The following INTS8 variants were observed in gnomAD, a reference collection of about 807,000 sequenced individuals.
The protein encoded by INTS8 is protein kaonashi-1.
Under a neutral mutation model 138.9 loss-of-function variants are expected in INTS8, and 47 were observed. The ratio of observed to expected loss-of-function variants is 0.34; its 90% CI spans 0.27 to 0.43. The LOEUF is 0.43. Ranked by LOEUF, INTS8 falls within the 20% of genes least tolerant of loss-of-function variation. INTS8 has a pLI of 1.00. For missense variants in INTS8, 996 were observed against 1,173.0 expected, an observed-to-expected ratio of 0.85 and a Z score of 2.20; for synonymous variants, 392 against 400.9, an observed-to-expected ratio of 0.98 and a Z score of 0.27.
chr8:94,861,826 C>G (rs540972700), intron 16 of INTS8, among the ~76,000 whole-genome samples: 106 of 152,334 alleles, frequency 7.0e-4, no homozygotes, highest in African/African-American at 2.5e-3. Context: ...GCTGGGATTA[C>G]AGGCGTGAGC....
At chr8:94,847,909 T>C (rs1233439853) in intron 10 of INTS8, among the ~76,000 whole-genome samples, 1 of 152,178 alleles carries the variant, frequency 6.6e-6, no homozygotes, top group Non-Finnish European at 1.5e-5. Flanking sequence ...GTTATTAGAA[T>C]GTAAGTGTAT....
chr8:94,850,750 C>T (rs544424938), intron 12 of INTS8, among the ~76,000 whole-genome samples: 15 of 152,086 alleles, frequency 9.9e-5, no homozygotes, highest in Middle Eastern at 3.4e-3. Flanking sequence ...GACAGATTTT[C>T]GTGCATGTCA....
chr8:94,837,790 A>C (rs756587653), intron 7 of INTS8, among the ~76,000 whole-genome samples: 23 of 152,126 alleles, frequency 1.5e-4, no homozygotes, highest in Non-Finnish European at 2.9e-4. Context: ...AGCTTCAGCA[A>C]ACTTTCTTTG....
intron 6 of INTS8, among the ~76,000 whole-genome samples, chr8:94,834,361 G>T (rs1814842298): frequency 9.0e-6 from 1 of 110,712 alleles, no homozygotes; most frequent in African/African-American, 3.6e-5. Context: ...ATATGTGCAT[G>T]GGTGTGTGTG....
At chr8:94,837,897 C>T (rs761079078) in intron 7 of INTS8, among the ~76,000 whole-genome samples, 1 of 152,022 alleles carries the variant, frequency 6.6e-6, no homozygotes, top group Non-Finnish European at 1.5e-5. Flanking sequence ...GCATAGTTTA[C>T]GGCCCACAAA....
At chr8:94,825,107 T>A in intron 2 of INTS8, 40 bp downstream of exon 2, 1 of 1,354,814 alleles carries the variant, frequency 7.4e-7, no homozygotes, top group Non-Finnish European at 1.0e-6. Context: ...GAAGTGCTAT[T>A]TAGATATCTT....
chr8:94,842,862 G>A (rs1563650077), intron 10 of INTS8, among the ~76,000 whole-genome samples: 1 of 152,124 alleles, frequency 6.6e-6, no homozygotes, highest in Non-Finnish European at 1.5e-5. Flanking sequence ...CAAGCCTCTT[G>A]TCTGTCATGT....
intron 5 of INTS8, among the ~76,000 whole-genome samples, chr8:94,831,716 G>A (rs1194314833): frequency 1.3e-5 from 2 of 151,444 alleles, no homozygotes; most frequent in African/African-American, 2.4e-5. Context: ...TCCTGATCTC[G>A]TGATCTGCCC....
rs766957901 is a variant in INTS8, at chr8:94,873,377, C to T, written c.2537C>T (p.Thr846Met). 8 of 1,610,296 alleles carry T rather than the reference C, an allele frequency of 5.0e-6. No homozygotes were observed. The highest frequency in any genetic ancestry group is 2.2e-5 in the East Asian group (1 of 44,842). Residue 846 changes from threonine to methionine, a missense_variant, in exon 22 of 27, where the codon ACG becomes ATG. By Grantham distance (81) the Thr-to-Met change is moderately conservative (BLOSUM62 -1). Coordinates refer to ENST00000523731, the MANE Select transcript of INTS8 (RefSeq NM_017864.4). ...LIIQADIYFA[T>M]NQYSAALHYY... Reference sequence around the variant, plus strand: ...TATGTCTGTTTTTCTGTTTCAGCAACGAATCAGTATTCAGCAGCTCTTCAC... The same window carrying T: ...TATGTCTGTTTTTCTGTTTCAGCAATGAATCAGTATTCAGCAGCTCTTCAC...
chr8:94,847,426 G>T (rs1815371324), intron 10 of INTS8, among the ~76,000 whole-genome samples: 1 of 152,028 alleles, frequency 6.6e-6, no homozygotes, highest in Non-Finnish European at 1.5e-5. Flanking sequence ...TGAGGCATCT[G>T]TCTTTTTTAT....
chr8:94,827,707 C>T lies in INTS8; in HGVS notation c.447-15C>T. Reference sequence around the variant, plus strand: ...TATAATGTATGAAATTTTCTTTTTCCTGTCTTTTCTTCAGGGCAATTAGGA... The same window carrying T: ...TATAATGTATGAAATTTTCTTTTTCTTGTCTTTTCTTCAGGGCAATTAGGA... On this transcript the variant is annotated splice_polypyrimidine_tract_variant and intron_variant, in intron 3 of 26. Coordinates refer to ENST00000523731, the MANE Select transcript of INTS8 (RefSeq NM_017864.4). The T allele has an allele frequency of 3.1e-6, 5 of 1,608,740 alleles. No individual in the cohort carries two copies. The highest frequency in any genetic ancestry group is 1.7e-4 in the Middle Eastern group (1 of 6,044).
At position 94,865,633 on chromosome 8, in the gene INTS8, A is replaced by G. The variant is rs1169416449; in HGVS notation, c.2204A>G (p.Asn735Ser). 2.5e-6 allele frequency: 4 copies of G among 1,614,192 alleles called. No homozygotes were observed. The highest frequency in any genetic ancestry group is 3.4e-6 in the Non-Finnish European group (4 of 1,179,998). ...GTGTCCAGTCAGCACAAACGAGGAAATGATGGCAGAGTTAGTTTAATAAAA... is the reference window on the plus strand; with the variant it reads ...GTGTCCAGTCAGCACAAACGAGGAAGTGATGGCAGAGTTAGTTTAATAAAA... ...CSVSSQHKRG[N>S]DGRVSLIKQR... Residue 735 changes from asparagine (N) to serine (S), a missense_variant, in exon 17 of 27, where the codon AAT (asparagine) becomes AGT (serine). Asn to Ser is a conservative substitution (Grantham distance 46). Coordinates refer to ENST00000523731, the MANE Select transcript of INTS8 (RefSeq NM_017864.4).
chr8:94,854,613 G>A (rs1815678260), intron 14 of INTS8, among the ~76,000 whole-genome samples: 1 of 152,212 alleles, frequency 6.6e-6, no homozygotes, highest in Non-Finnish European at 1.5e-5. Flanking sequence ...GCAGTTGCGT[G>A]ACTGATCATA....
chr8:94,834,947 T>A (rs1024445797), intron 6 of INTS8, among the ~76,000 whole-genome samples: 1 of 152,150 alleles, frequency 6.6e-6, no homozygotes, highest in Admixed American at 6.5e-5. Context: ...GTAAGGGGTG[T>A]GGAATGAAGC....
Position 94,859,577 on chromosome 8 carries a change from A to C in INTS8, c.2021A>C (p.Glu674Ala). 2 of 1,612,374 alleles carry C rather than the reference A, an allele frequency of 1.2e-6. No homozygotes were observed. Among genetic ancestry groups the C allele is most frequent in the East Asian group, 2.2e-5 (1 of 44,820 alleles). ...TTTATGTTAAACTGGAGAGAAAATG[A>C]ATACCTTACACTCCAAGTTCCTGCA... ...VAFMLNWRENEYLTLQVPAFL... is the reference protein window; with the variant it reads ...VAFMLNWRENAYLTLQVPAFL... Residue 674 changes from glutamate (E) to alanine (A), a missense_variant, in exon 16 of 27, where the codon GAA (glutamate) becomes GCA (alanine). Glu to Ala is a moderately radical substitution (Grantham distance 107). Transcript: ENST00000523731.
intron 7 of INTS8, among the ~76,000 whole-genome samples, chr8:94,838,044 CTTTTTTT>C (rs776858651): frequency 3.7e-5 from 5 of 134,328 alleles, no homozygotes; most frequent in African/African-American, 1.4e-4. Flanking sequence ...TTTTTCTTTT[CTTTTTTT>C]TTTTTTTTTT....
chr8:94,866,957 G>A (rs575582740), intron 18 of INTS8, 183 bp from the exon 19 acceptor site: 17 of 551,464 alleles, frequency 3.1e-5, no homozygotes, highest in South Asian at 5.8e-5. Flanking sequence ...TATGGTCCAC[G>A]CCCCGCCCCC....
chr8:94,848,083 ACT>A (rs1198062687), intron 10 of INTS8, among the ~76,000 whole-genome samples: 1 of 145,472 alleles, frequency 6.9e-6, no homozygotes, highest in Non-Finnish European at 1.5e-5. Flanking sequence ...ATCTCCACTC[ACT>A]CTAACCTCTG....
chr8:94,861,462 C>T (rs375033762), intron 16 of INTS8, among the ~76,000 whole-genome samples: 9 of 151,848 alleles, frequency 5.9e-5, no homozygotes, highest in African/African-American at 1.9e-4. Context: ...GGGGTTTCAC[C>T]GTGTTAGCCA....
Sources: allele counts gnomAD v4.1 joint callset (sites outside exome capture counted in the v4.1 genomes callset), GRCh38; gene constraint gnomAD v4.1.1; transcripts MANE v1.5; gene names NCBI Gene and HGNC (gene_info 2026-07-23, HGNC 2026-07-21).